Variants in SLC30A9 observed in about 807,000 individuals in gnomAD.
The protein encoded by SLC30A9 is proton-coupled zinc antiporter SLC30A9, mitochondrial.
A neutral mutation model predicts 87.5 loss-of-function variants in SLC30A9; 58 were observed. That is an observed-to-expected ratio of 0.66 (90% CI 0.54 to 0.82). The LOEUF is 0.82. SLC30A9 is among the 40% of genes least tolerant of loss of function. SLC30A9 has a pLI of 0.00. For synonymous variants in SLC30A9, 234 were observed against 233.0 expected (o/e 1.00, Z -0.04); for missense variants, 557 against 679.1 (o/e 0.82, Z 2.00).
chr4:41,994,285 AT>A (rs1176407571), intron 1 of SLC30A9, among the ~76,000 whole-genome samples: 3 of 152,126 alleles, frequency 2.0e-5, no homozygotes, highest in Admixed American at 2.0e-4. Context: ...TTGTCTAAAA[AT>A]TTTTTTATTT....
intron 1 of SLC30A9, among the ~76,000 whole-genome samples, chr4:41,998,904 T>C (rs1286905031): frequency 6.6e-6 from 1 of 152,216 alleles, no homozygotes; most frequent in Non-Finnish European, 1.5e-5. Flanking sequence ...CCATTTTCTG[T>C]CTCGTATGAA....
Position 42,087,757 on chromosome 4 carries a change from A to C in SLC30A9, c.*1631A>C, listed in dbSNP as rs1003603321. ...TCCTTATCCCTTCTTTACAAAAAAA[A>C]CTTTTTTTTTACCTGTTATGATTTA... is the stretch of plus-strand genomic sequence containing the variant. On this transcript the variant is annotated 3_prime_UTR_variant, in exon 18 of 18. Coordinates refer to ENST00000264451, the MANE Select transcript of SLC30A9 (RefSeq NM_006345.4). 1 of 151,362 alleles carries C rather than the reference A, an allele frequency of 6.6e-6. No individual in the cohort carries two copies. Among genetic ancestry groups the C allele is most frequent in the Non-Finnish European group, 1.5e-5 (1 of 67,870 alleles). The allele number at this position is 151,362 out of a possible 1,614,324, so 9.4% of individuals were successfully genotyped here.
intron 8 of SLC30A9, among the ~76,000 whole-genome samples, chr4:42,039,611 C>CTT (rs1716837899): frequency 6.6e-6 from 1 of 151,436 alleles, no homozygotes; most frequent in Admixed American, 6.6e-5. Context: ...TATAGGTGCG[C>CTT]GCCATCATGC....
intron 2 of SLC30A9, among the ~76,000 whole-genome samples, chr4:42,004,406 A>T (rs1406142247): frequency 1.3e-5 from 2 of 152,130 alleles, no homozygotes; most frequent in African/African-American, 4.8e-5. Flanking sequence ...CCCTTCATAT[A>T]TTACATCTTC....
At chr4:42,048,550 C>T (rs1326693870) in intron 8 of SLC30A9, among the ~76,000 whole-genome samples, 1 of 151,684 alleles carries the variant, frequency 6.6e-6, no homozygotes, top group African/African-American at 2.4e-5. Context: ...TCATATTAGT[C>T]ATTACTGTTA....
Position 42,066,209 on chromosome 4 carries a change from C to T in SLC30A9, c.1073-341C>T, listed in dbSNP as rs145084243. Among the ~76,000 whole-genome samples, 523 of 152,130 alleles carry T rather than the reference C, an allele frequency of 3.4e-3. 1 individual carries two copies. The highest frequency in any genetic ancestry group is 0.012 in the African/African-American group (505 of 41,494). On this transcript the variant is annotated intron_variant, in intron 12 of 17. Coordinates refer to ENST00000264451, the MANE Select transcript of SLC30A9 (RefSeq NM_006345.4). Reference sequence around the variant, plus strand: ...CCTAATTGTATATGTTTATGGGGCCCCTCATCTTTGAAAGTCTATGAAATG... The same window carrying T: ...CCTAATTGTATATGTTTATGGGGCCTCTCATCTTTGAAAGTCTATGAAATG...
chr4:42,074,274 T>C (rs2153140866), intron 15 of SLC30A9, among the ~76,000 whole-genome samples: 1 of 152,374 alleles, frequency 6.6e-6, no homozygotes, highest in South Asian at 2.1e-4. Flanking sequence ...TTTAGTAACC[T>C]GCTCAGGATC....
chr4:42,070,290 C>G, intron 14 of SLC30A9: 1 of 375,042 alleles, frequency 2.7e-6, no homozygotes, highest in Non-Finnish European at 4.8e-6. Flanking sequence ...TATGTAATGA[C>G]AGGTACAAGT....
At chr4:42,036,526 T>C (rs1022604151) in intron 7 of SLC30A9, among the ~76,000 whole-genome samples, 6 of 152,180 alleles carry the variant, frequency 3.9e-5, no homozygotes, top group Admixed American at 1.3e-4. Context: ...AAGTTGACTT[T>C]CCATTTAAAC....
At chr4:42,052,641 T>A (rs898045843) in intron 9 of SLC30A9, among the ~76,000 whole-genome samples, 3 of 152,200 alleles carry the variant, frequency 2.0e-5, no homozygotes, top group Non-Finnish European at 4.4e-5. Context: ...AGTGAGGAAA[T>A]GAAACTTTTT....
At chr4:42,028,833 A>G (rs1390387735) in intron 6 of SLC30A9, among the ~76,000 whole-genome samples, 3 of 152,226 alleles carry the variant, frequency 2.0e-5, no homozygotes, top group Non-Finnish European at 4.4e-5. Context: ...TTTCTGAATA[A>G]GAAGACCCAC....
intron 2 of SLC30A9, among the ~76,000 whole-genome samples, chr4:42,015,071 AAC>A (rs10579005): frequency 0.25 from 38,074 of 152,034 alleles, 6,934 homozygotes; most frequent in African/African-American, 0.52. Context: ...GGTTCTTTGT[AAC>A]ACAAACGATA....
intron 7 of SLC30A9, among the ~76,000 whole-genome samples, chr4:42,036,093 T>C (rs1168467438): frequency 6.6e-6 from 1 of 152,196 alleles, no homozygotes; most frequent in Non-Finnish European, 1.5e-5. Context: ...CAATGGATAC[T>C]CAATATTATT....
intron 9 of SLC30A9, among the ~76,000 whole-genome samples, chr4:42,050,394 C>T (rs529244098): frequency 6.6e-6 from 1 of 152,118 alleles, no homozygotes; most frequent in Non-Finnish European, 1.5e-5. Context: ...AGATATATAA[C>T]TTATAATCTC....
In SLC30A9 at chr4:41,990,570, T is replaced by G; in HGVS notation, c.-82T>G. 4 of 791,078 alleles carry G rather than the reference T, an allele frequency of 5.1e-6. No individual in the cohort carries two copies. The highest frequency in any genetic ancestry group is 8.1e-6 in the Non-Finnish European group (4 of 495,856). 49.0% of individuals were successfully genotyped at this position (791,078 alleles called of 1,614,324 possible). A position where few individuals can be genotyped will look rare whatever the true frequency, so the allele number is the denominator to read the frequency against. On this transcript the variant is annotated 5_prime_UTR_variant, in exon 1 of 18. Transcript: ENST00000264451. ...GCGAAGCCATCGGTGTTCGCTGATG[T>G]CCAGTCTATGGAGTCAGTTGGTACC...
At chr4:42,068,481 G>A (rs1316007732) in intron 14 of SLC30A9, among the ~76,000 whole-genome samples, 2 of 152,080 alleles carry the variant, frequency 1.3e-5, no homozygotes, top group Non-Finnish European at 2.9e-5. Context: ...GACCTCGGGG[G>A]TGATCCTCCC....
chr4:42,061,556 C>T (rs528069662), intron 10 of SLC30A9, among the ~76,000 whole-genome samples: 40 of 152,316 alleles, frequency 2.6e-4, no homozygotes, highest in African/African-American at 9.6e-4. Context: ...TTCCCCATGG[C>T]AGGATTACTC....
intron 15 of SLC30A9, among the ~76,000 whole-genome samples, chr4:42,073,126 G>A (rs544980994): frequency 3.3e-5 from 5 of 152,082 alleles, no homozygotes; most frequent in African/African-American, 9.6e-5. Context: ...CACCCGCCTC[G>A]GTCTCCCAAA....
intron 2 of SLC30A9, among the ~76,000 whole-genome samples, chr4:42,010,800 A>G (rs531720170): frequency 6.6e-6 from 1 of 152,328 alleles, no homozygotes; most frequent in East Asian, 1.9e-4. Context: ...AATTGAAGAC[A>G]TAGTTGGACT....
Sources: gnomAD v4.1 joint callset for allele counts (sites outside exome capture counted in the v4.1 genomes callset) on GRCh38, gnomAD v4.1.1 for gene constraint, MANE v1.5 for transcripts, NCBI Gene and HGNC (gene_info 2026-07-23, HGNC 2026-07-21) for gene names.